CORIN: variants seen among roughly 807,000 people sequenced by gnomAD.
CORIN encodes the protein atrial natriuretic peptide-converting enzyme.
CORIN carries 117 observed loss-of-function variants against 125.3 expected under a neutral mutation model. The observed-to-expected ratio is 0.93, with a 90% CI of 0.80 to 1.09. CORIN has a LOEUF of 1.09. Among genes scored for constraint, CORIN ranks in the 50% least tolerant of loss-of-function variants. CORIN has a pLI of 0.00. For synonymous variants in CORIN, 450 were observed against 466.4 expected (o/e 0.96, Z 0.45); for missense variants, 1,253 against 1,306.7 (o/e 0.96, Z 0.63).
chr4:47,607,648 T>C lies in CORIN; in HGVS notation c.2541-3980A>G, dbSNP rs565480109. ...CTGGGGTGAAGGACATGTACATACG[T>C]GGTGATTGTTACATCAAGCAAGTGC... On this transcript the variant is annotated intron_variant, in intron 19 of 21. Coordinates refer to ENST00000273857, the MANE Select transcript of CORIN (RefSeq NM_006587.4). 2.8e-4 allele frequency among the ~76,000 whole-genome samples: 43 copies of C among 152,172 alleles called. No individual in the cohort carries two copies. In the Middle Eastern group the frequency reaches 0.014, roughly 48 times the overall value.
chr4:47,655,049 C>T (rs1467365244), intron 12 of CORIN, among the ~76,000 whole-genome samples: 1 of 152,104 alleles, frequency 6.6e-6, no homozygotes, highest in Non-Finnish European at 1.5e-5. Context: ...AGCTTCCAGA[C>T]ATTTCTAGAC....
chr4:47,609,772 C>T (rs976846381), intron 19 of CORIN, among the ~76,000 whole-genome samples: 2 of 152,196 alleles, frequency 1.3e-5, no homozygotes, highest in East Asian at 3.9e-4. Context: ...CTACCCCCAA[C>T]AGGCCTCAGT....
intron 19 of CORIN, among the ~76,000 whole-genome samples, chr4:47,609,137 CTAAA>C (rs1041635558): frequency 2.6e-5 from 4 of 152,150 alleles, no homozygotes; most frequent in Non-Finnish European, 4.4e-5. Context: ...CAAATCTGCA[CTAAA>C]TAAAGATATA....
intron 4 of CORIN, among the ~76,000 whole-genome samples, chr4:47,746,840 G>A (rs1728688325): frequency 6.6e-6 from 1 of 152,146 alleles, no homozygotes; most frequent in Non-Finnish European, 1.5e-5. Flanking sequence ...AGCCAAGAGT[G>A]CAAATCTTGA....
rs927851860 is a variant in CORIN at position 47,626,489 on chromosome 4, T to C, written c.2231A>G (p.Gln744Arg). The C allele has an allele frequency of 5.0e-6, 8 of 1,613,954 alleles. No homozygotes were observed. In the Admixed American group the frequency reaches 5.0e-5, roughly 10 times the overall value. The change falls in exon 17 of 22, where the codon CAG (glutamine) becomes CGG (arginine). Residue 744 changes from glutamine to arginine, a missense_variant. Physicochemically the swap from Gln to Arg is conservative, Grantham distance 43. Transcript: ENST00000273857. ...EPSVTKLIQEQEKEPRWLTLH... is the reference protein window; with the variant it reads ...EPSVTKLIQEREKEPRWLTLH... ...TGTCAGCCACCGCGGCTCTTTCTCC[T>C]GTTCCTGTATCAATTTGGTCACAGA...
At chr4:47,790,778 G>A (rs1731043315) in intron 2 of CORIN, among the ~76,000 whole-genome samples, 1 of 151,994 alleles carries the variant, frequency 6.6e-6, no homozygotes, top group African/African-American at 2.4e-5. Context: ...TCACAAAATG[G>A]CTAACTTTCA....
intron 20 of CORIN, among the ~76,000 whole-genome samples, 200 bp from the exon 21 acceptor site, chr4:47,600,547 A>G (rs2109503433): frequency 6.6e-6 from 1 of 152,294 alleles, no homozygotes; most frequent in Admixed American, 6.5e-5. Flanking sequence ...ATTCATAGCA[A>G]TTATCCGGTG....
chr4:47,635,820 A>G (rs1723002452), intron 16 of CORIN, among the ~76,000 whole-genome samples: 1 of 152,212 alleles, frequency 6.6e-6, no homozygotes, highest in Non-Finnish European at 1.5e-5. Context: ...TCAGAAGTTA[A>G]GTCATTACTA....
chr4:47,636,863 G>A (rs1723046333), intron 16 of CORIN, among the ~76,000 whole-genome samples: 1 of 152,150 alleles, frequency 6.6e-6, no homozygotes, highest in Admixed American at 6.5e-5. Flanking sequence ...GGGTGCTGCT[G>A]TAGATACCCA....
intron 11 of CORIN, among the ~76,000 whole-genome samples, chr4:47,662,788 G>C (rs1724310972): frequency 6.6e-6 from 1 of 152,188 alleles, no homozygotes; most frequent in African/African-American, 2.4e-5. Context: ...GCCAGCTCCA[G>C]TCTTGCCCAA....
At chr4:47,803,291 T>C (rs1387540947) in intron 2 of CORIN, among the ~76,000 whole-genome samples, 1 of 152,232 alleles carries the variant, frequency 6.6e-6, no homozygotes, top group African/African-American at 2.4e-5. Flanking sequence ...CAAAGCAATC[T>C]GCAGATTCCA....
At chr4:47,670,622 A>G (rs1170409510) in intron 10 of CORIN, among the ~76,000 whole-genome samples, 1 of 152,216 alleles carries the variant, frequency 6.6e-6, no homozygotes, top group Non-Finnish European at 1.5e-5. Flanking sequence ...GGCTTGAGAG[A>G]GGGCCTGGGA....
At chr4:47,609,301 G>A (rs543267075) in intron 19 of CORIN, among the ~76,000 whole-genome samples, 3 of 152,106 alleles carry the variant, frequency 2.0e-5, no homozygotes, top group East Asian at 3.9e-4. Context: ...GTGCAATGGC[G>A]CAATCTCAGC....
chr4:47,680,247 G>A lies in CORIN; in HGVS notation c.1026C>T (p.Cys342=). Reference sequence around the variant, plus strand: ...CGCAGCGATGCTCTGTTGTGGGATTGCAATCTGGAGAAATGAAAACTCACG... The same window carrying A: ...CGCAGCGATGCTCTGTTGTGGGATTACAATCTGGAGAAATGAAAACTCACG... ...GDLSDEQNCD[C]NPTTEHRCGD... The change falls in exon 8 of 22, where the codon TGC becomes TGT. Residue 342 remains cysteine, a synonymous_variant. Coordinates refer to ENST00000273857, the MANE Select transcript of CORIN (RefSeq NM_006587.4). The A allele has an allele frequency of 1.2e-6, 2 of 1,612,490 alleles. No individual in the cohort carries two copies. The highest frequency in any genetic ancestry group is 1.3e-5 in the African/African-American group (1 of 75,036).
At chr4:47,758,810 G>A (rs1309987018) in intron 4 of CORIN, among the ~76,000 whole-genome samples, 1 of 152,234 alleles carries the variant, frequency 6.6e-6, no homozygotes, top group Non-Finnish European at 1.5e-5. Flanking sequence ...CTGCCATCAT[G>A]TGAAGAAGGA....
At chr4:47,688,577 G>C (rs1477008653) in intron 6 of CORIN, among the ~76,000 whole-genome samples, 1 of 152,088 alleles carries the variant, frequency 6.6e-6, no homozygotes, top group African/African-American at 2.4e-5. Context: ...ACTCCAGCCT[G>C]GGTGACAGAG....
At chr4:47,772,499 A>T (rs995239300) in intron 3 of CORIN, among the ~76,000 whole-genome samples, 1 of 152,230 alleles carries the variant, frequency 6.6e-6, no homozygotes, top group Admixed American at 6.5e-5. Context: ...TCCATCCTAG[A>T]GTTATGAATG....
intron 4 of CORIN, among the ~76,000 whole-genome samples, chr4:47,749,999 T>C (rs1048507049): frequency 6.6e-6 from 1 of 152,186 alleles, no homozygotes; most frequent in African/African-American, 2.4e-5. Context: ...GTGACTCCAG[T>C]CCAGTGCTCC....
intron 10 of CORIN, among the ~76,000 whole-genome samples, chr4:47,673,258 C>A (rs1229425564): frequency 4.0e-5 from 6 of 151,706 alleles, no homozygotes; most frequent in Non-Finnish European, 8.8e-5. Context: ...TGCCTATAAT[C>A]CCAGCTACTT....
Sources: allele counts gnomAD v4.1 joint callset (sites outside exome capture counted in the v4.1 genomes callset), GRCh38; gene constraint gnomAD v4.1.1; transcripts MANE v1.5; gene names NCBI Gene and HGNC (gene_info 2026-07-23, HGNC 2026-07-21).